CMIP: variants seen among roughly 807,000 people sequenced by gnomAD.
CMIP encodes c-Maf inducing protein.
Under a neutral mutation model 97.3 loss-of-function variants are expected in CMIP, and 13 were observed. The observed-to-expected ratio is 0.13, with a 90% CI of 0.09 to 0.21. The LOEUF is 0.21. CMIP is among the 10% of genes least tolerant of loss of function. CMIP has a pLI of 1.00. For missense variants in CMIP, 847 were observed against 1,024.9 expected (o/e 0.83, Z 2.37); for synonymous variants, 538 against 436.3 (o/e 1.23, Z -2.91).
intron 1 of CMIP, among the ~76,000 whole-genome samples, chr16:81,447,949 T>C (rs1181271178): frequency 6.6e-6 from 1 of 152,232 alleles, no homozygotes; most frequent in Non-Finnish European, 1.5e-5. Context: ...GCGGAGCCCC[T>C]GTGGGGTTTC....
At chr16:81,522,875 T>TACAC (rs150905297) in intron 1 of CMIP, among the ~76,000 whole-genome samples, 16 of 152,004 alleles carry the variant, frequency 1.1e-4, no homozygotes, top group Admixed American at 1.0e-3. Flanking sequence ...AAAATATTTT[T>TACAC]ACACACACAC....
intron 1 of CMIP, among the ~76,000 whole-genome samples, chr16:81,473,831 T>C (rs1366127058): frequency 2.1e-5 from 3 of 142,600 alleles, no homozygotes; most frequent in South Asian, 4.5e-4. Context: ...TTTTTTTTTT[T>C]CTTAAAGCTT....
intron 20 of CMIP, among the ~76,000 whole-genome samples, chr16:81,709,408 T>C (rs1417778599): frequency 1.3e-5 from 2 of 152,176 alleles, no homozygotes; most frequent in African/African-American, 4.8e-5. Flanking sequence ...CTGAGGCCCC[T>C]AGAGGCTGGG....
At chr16:81,689,189 G>C (rs1222472165) in intron 10 of CMIP, among the ~76,000 whole-genome samples, 3 of 152,152 alleles carry the variant, frequency 2.0e-5, no homozygotes, top group Admixed American at 6.5e-5. Context: ...GGGATGGCTG[G>C]GTCAAATGGT....
chr16:81,584,593 G>C (rs537009023), intron 1 of CMIP, among the ~76,000 whole-genome samples: 2 of 152,274 alleles, frequency 1.3e-5, no homozygotes, highest in Admixed American at 6.5e-5. Flanking sequence ...GAGTGTGCCC[G>C]TGTAGATCAG....
At position 81,476,150 on chromosome 16, in the gene CMIP, C is replaced by T. The variant is rs979507881; in HGVS notation, c.300+30609C>T. On this transcript the variant is annotated intron_variant, in intron 1 of 20. Transcript: ENST00000537098. ...CACCTTGCCGGAGACCACGTGCTTGCGTTCAACCACTCAGTCTTGGCAGTG... is the reference window on the plus strand; with the variant it reads ...CACCTTGCCGGAGACCACGTGCTTGTGTTCAACCACTCAGTCTTGGCAGTG... 51 of 1,074,980 alleles carry T rather than the reference C, an allele frequency of 4.7e-5. No homozygotes were observed. In the East Asian group the frequency reaches 8.9e-4, roughly 19 times the overall value. 66.6% of individuals were successfully genotyped at this position (1,074,980 alleles called of 1,614,324 possible).
intron 6 of CMIP, among the ~76,000 whole-genome samples, chr16:81,663,652 G>T (rs115742316): frequency 6.6e-6 from 1 of 152,210 alleles, no homozygotes; most frequent in South Asian, 2.1e-4. Context: ...TGATGTGTCA[G>T]TGTGGGGTTC....
At chr16:81,512,248 T>C (rs1370675394) in intron 1 of CMIP, among the ~76,000 whole-genome samples, 1 of 152,152 alleles carries the variant, frequency 6.6e-6, no homozygotes, top group Non-Finnish European at 1.5e-5. Context: ...TCTAGGTAGG[T>C]GTTTCTGTGC....
intron 4 of CMIP, among the ~76,000 whole-genome samples, chr16:81,653,057 C>T (rs193072492): frequency 4.6e-4 from 70 of 152,296 alleles, no homozygotes; most frequent in Middle Eastern, 3.4e-3. Flanking sequence ...AGGCAGAAGG[C>T]GCTTCGGAAA....
At chr16:81,514,232 C>T (rs2089867575) in intron 1 of CMIP, among the ~76,000 whole-genome samples, 1 of 152,100 alleles carries the variant, frequency 6.6e-6, no homozygotes, top group African/African-American at 2.4e-5. Flanking sequence ...GTGTCCCAGC[C>T]CATGCAGTTG....
intron 1 of CMIP, among the ~76,000 whole-genome samples, chr16:81,556,440 CT>C (rs1399438620): frequency 6.6e-6 from 1 of 152,166 alleles, no homozygotes; most frequent in African/African-American, 2.4e-5. Context: ...TGGCTGCACC[CT>C]TTTATATTCG....
At chr16:81,624,258 C>T (rs1393280736) in intron 3 of CMIP, among the ~76,000 whole-genome samples, 1 of 152,062 alleles carries the variant, frequency 6.6e-6, no homozygotes, top group African/African-American at 2.4e-5. Flanking sequence ...GTGTGCACAA[C>T]GTGCAGGTTT....
chr16:81,693,532 G>C, intron 13 of CMIP, 45 bp downstream of exon 13: 1 of 1,590,762 alleles, frequency 6.3e-7, no homozygotes, highest in Non-Finnish European at 8.6e-7. Flanking sequence ...TCTGGGGATG[G>C]CAGGATGCAC....
At chr16:81,704,222 CCTCCTCCCTGCCCCCCTTACT>C in intron 18 of CMIP, 137 bp downstream of exon 18, 2 of 577,648 alleles carry the variant, frequency 3.5e-6, no homozygotes, top group East Asian at 3.2e-5. Context: ...GCCCCCTCCC[CCTCCTCCCTGCCCCCCTTACT>C]CTCCTCCCTG....
At chr16:81,601,422 G>T (rs1026576760) in intron 1 of CMIP, among the ~76,000 whole-genome samples, 1 of 152,122 alleles carries the variant, frequency 6.6e-6, no homozygotes, top group African/African-American at 2.4e-5. Flanking sequence ...CTTTCTGGGG[G>T]GGTCAGCTCA....
At chr16:81,606,589 G>T (rs12716918) in intron 1 of CMIP, among the ~76,000 whole-genome samples, 1 of 152,038 alleles carries the variant, frequency 6.6e-6, no homozygotes, top group African/African-American at 2.4e-5. Flanking sequence ...TACTAATAGC[G>T]TTTCTCATTC....
chr16:81,605,685 G>T (rs889591053), intron 1 of CMIP, among the ~76,000 whole-genome samples: 1 of 152,198 alleles, frequency 6.6e-6, no homozygotes. Context: ...CGTGGGGTCT[G>T]TGACACTCTT....
At chr16:81,585,381 G>T (rs2091364665) in intron 1 of CMIP, among the ~76,000 whole-genome samples, 2 of 152,148 alleles carry the variant, frequency 1.3e-5, no homozygotes, top group African/African-American at 4.8e-5. Flanking sequence ...GTGGCATTTA[G>T]TACATTTATA....
chr16:81,660,695 G>A (rs1392269457), intron 5 of CMIP, among the ~76,000 whole-genome samples, 189 bp from the exon 6 acceptor site: 2 of 152,000 alleles, frequency 1.3e-5, no homozygotes, highest in East Asian at 3.9e-4. Flanking sequence ...CACACAGACA[G>A]ATACGGTTGT....
Sources: allele counts gnomAD v4.1 joint callset (sites outside exome capture counted in the v4.1 genomes callset), GRCh38; gene constraint gnomAD v4.1.1; transcripts MANE v1.5; gene names NCBI Gene and HGNC (gene_info 2026-07-23, HGNC 2026-07-21).